Variants in DGUOK observed in about 807,000 individuals in gnomAD.
DGUOK encodes the protein deoxyguanosine kinase, also known as deoxyguanosine kinase, mitochondrial.
A neutral mutation model predicts 36.6 loss-of-function variants in DGUOK; 30 were observed. The ratio of observed to expected loss-of-function variants is 0.82; its 90% CI spans 0.61 to 1.11. The LOEUF (loss-of-function observed/expected upper bound fraction) is 1.11. Among genes scored for constraint, DGUOK ranks in the 50% most tolerant of loss-of-function variants. The pLI, the probability that DGUOK is intolerant of heterozygous loss-of-function variation, is 0.00. For synonymous variants in DGUOK, 145 were observed against 126.3 expected (o/e 1.15, Z -0.99); for missense variants, 361 against 336.4 (o/e 1.07, Z -0.57).
chr2:73,939,107 G>T, intron 2 of DGUOK, 85 bp downstream of exon 2: 2 of 898,364 alleles, frequency 2.2e-6, no homozygotes, highest in Non-Finnish European at 3.7e-6. Context: ...AGTGAGTAAA[G>T]TAGCCCAGTT....
At chr2:73,934,438 A>G (rs1161414357) in intron 1 of DGUOK, among the ~76,000 whole-genome samples, 1 of 152,194 alleles carries the variant, frequency 6.6e-6, no homozygotes, top group Non-Finnish European at 1.5e-5. Context: ...ATACCTTCCA[A>G]AATTCATAAT....
chr2:73,933,199 A>G (rs1296971868), intron 1 of DGUOK, among the ~76,000 whole-genome samples: 1 of 152,178 alleles, frequency 6.6e-6, no homozygotes, highest in Non-Finnish European at 1.5e-5. Flanking sequence ...AGTATAAATG[A>G]TTGGGCAAAG....
rs1370222207 is a variant in DGUOK at position 73,930,941 on chromosome 2, G to A, written c.142+3889G>A. Reference sequence around the variant, plus strand: ...CTCCCAAGTAGCTGGGACTACAGGCGCCCGCCACCATGCCCAGCTAATTTC... The same window carrying A: ...CTCCCAAGTAGCTGGGACTACAGGCACCCGCCACCATGCCCAGCTAATTTC... On this transcript the variant is annotated intron_variant, in intron 1 of 6. Transcript: ENST00000264093. Among the ~76,000 whole-genome samples the A allele has an allele frequency of 3.3e-5, 5 of 149,932 alleles. No homozygotes were observed. In the East Asian group the frequency reaches 8.1e-4, roughly 24 times the overall value.
chr2:73,933,679 C>T (rs983388110), intron 1 of DGUOK, among the ~76,000 whole-genome samples: 18 of 151,610 alleles, frequency 1.2e-4, no homozygotes, highest in Non-Finnish European at 5.9e-5. Context: ...TTTTTTTAAG[C>T]CTGCTGACTG....
rs1683166602 is a variant in DGUOK at position 73,957,141 on chromosome 2, T to C, written c.608T>C (p.Leu203Pro). 7 of 1,613,938 alleles carry C rather than the reference T, an allele frequency of 4.3e-6. No individual in the cohort carries two copies. Among genetic ancestry groups the C allele is most frequent in the Non-Finnish European group, 5.9e-6 (7 of 1,179,880 alleles). ...GTCTTTTAGGTTTGTTTGAAGAGAC[T>C]GTACCAGAGGGCCAGGGAGGAGGAG... is the stretch of plus-strand genomic sequence containing the variant. ...QASPQVCLKR[L>P]YQRAREEEKG... The change falls in exon 5 of 7, where the codon CTG (leucine) becomes CCG (proline). Residue 203 changes from leucine to proline, a missense_variant. By Grantham distance (98) the Leu-to-Pro change is moderately conservative. Coordinates refer to ENST00000264093, the MANE Select transcript of DGUOK (RefSeq NM_080916.3).
chr2:73,947,114 C>G, intron 3 of DGUOK: 2 of 605,188 alleles, frequency 3.3e-6, no homozygotes, highest in Non-Finnish European at 5.9e-6. Flanking sequence ...GGTTTTTCAT[C>G]AACTGAATGC....
At chr2:73,952,073 A>AC (rs1682745233) in intron 4 of DGUOK, among the ~76,000 whole-genome samples, 1 of 152,142 alleles carries the variant, frequency 6.6e-6, no homozygotes, top group South Asian at 2.1e-4. Context: ...GGGAGGTGAG[A>AC]CAGGAGGATC....
chr2:73,953,943 G>A (rs1056756650), intron 4 of DGUOK, among the ~76,000 whole-genome samples: 5 of 151,864 alleles, frequency 3.3e-5, no homozygotes, highest in African/African-American at 1.2e-4. Flanking sequence ...GGATGGTCTC[G>A]ATCTCCTGAC....
rs1573590244 is a variant in DGUOK at position 73,958,888 on chromosome 2, C to G, written c.*152C>G. 4.4e-6 allele frequency: 3 copies of G among 682,350 alleles called. No homozygotes were observed. The East Asian group carries it at 8.0e-5, about 18-fold the overall frequency. 42.3% of individuals were successfully genotyped at this position (682,350 alleles called of 1,614,324 possible). A position where few individuals can be genotyped will look rare whatever the true frequency, so the allele number is the denominator to read the frequency against. ...AGCTGGTTTGTTAATTATTGTTAGA[C>G]TTTGCCATTGTTTTCTTTTGTACCT... is the stretch of plus-strand genomic sequence containing the variant. On this transcript the variant is annotated 3_prime_UTR_variant, in exon 7 of 7. Coordinates refer to ENST00000264093, the MANE Select transcript of DGUOK (RefSeq NM_080916.3).
chr2:73,953,925 G>C (rs1240396066), intron 4 of DGUOK, among the ~76,000 whole-genome samples: 3 of 152,020 alleles, frequency 2.0e-5, no homozygotes, highest in African/African-American at 7.2e-5. Context: ...GTTTCACCAT[G>C]TTAGCCAGGA....
chr2:73,937,424 C>T (rs990943949), intron 1 of DGUOK, among the ~76,000 whole-genome samples: 1 of 152,154 alleles, frequency 6.6e-6, no homozygotes, highest in African/African-American at 2.4e-5. Context: ...TTGAAGAGAG[C>T]AAGGCCAGCA....
rs570941110 is a variant in DGUOK at position 73,927,084 on chromosome 2, G to T, written c.142+32G>T. 8.1e-6 allele frequency: 13 copies of T among 1,603,908 alleles called. No homozygotes were observed. In the South Asian group the frequency reaches 1.4e-4, roughly 18 times the overall value. On this transcript the variant is annotated intron_variant, in intron 1 of 6. Coordinates refer to ENST00000264093, the MANE Select transcript of DGUOK (RefSeq NM_080916.3). ...GCCGGAAAGCGGCTGCCAAGCCTTG[G>T]CCTCCGCCACGCAGGCGACAGAGGC...
chr2:73,947,666 G>A (rs1228810361), intron 3 of DGUOK: 2 of 153,226 alleles, frequency 1.3e-5, no homozygotes, highest in Admixed American at 1.3e-4. Context: ...CAGAGACCAG[G>A]CTGTGACTTG....
chr2:73,927,566 G>T (rs1680698530), intron 1 of DGUOK, among the ~76,000 whole-genome samples: 1 of 152,208 alleles, frequency 6.6e-6, no homozygotes, highest in African/African-American at 2.4e-5. Context: ...AACCCTATTC[G>T]AAGAGAGTTC....
At chr2:73,945,626 G>C (rs764507721) in intron 2 of DGUOK, among the ~76,000 whole-genome samples, 3 of 152,114 alleles carry the variant, frequency 2.0e-5, no homozygotes, top group Non-Finnish European at 4.4e-5. Context: ...TACCCTTACG[G>C]TACCCTGCCC....
At chr2:73,957,481 C>T (rs1467463211) in intron 5 of DGUOK, among the ~76,000 whole-genome samples, 1 of 152,150 alleles carries the variant, frequency 6.6e-6, no homozygotes, top group Non-Finnish European at 1.5e-5. Flanking sequence ...CAAGACCAGC[C>T]TGGCCAACAT....
At chr2:73,927,183 C>G in intron 1 of DGUOK, 131 bp downstream of exon 1, 1 of 1,286,376 alleles carries the variant, frequency 7.8e-7, no homozygotes, top group Admixed American at 2.1e-5. Flanking sequence ...CGAGGAGAGC[C>G]TTTCCCCTCG....
In DGUOK at chr2:73,958,715, C is replaced by A; in HGVS notation, c.813C>A (p.Asn271Lys). The A allele has an allele frequency of 6.2e-7, 1 of 1,611,852 alleles. No homozygotes were observed. The highest frequency in any genetic ancestry group is 8.5e-7 in the Non-Finnish European group (1 of 1,177,904). Residue 271 changes from asparagine (N) to lysine (K), a missense_variant, in exon 7 of 7, where the codon AAC (asparagine) becomes AAA (lysine). Physicochemically the swap from Asn to Lys is moderately conservative, Grantham distance 94. Transcript: ENST00000264093. Reference sequence around the variant, plus strand: ...TGATTTTCTCCTTCCCACAGGTAAACACCTTTGTAAAGAATCTGTAACCAA... The same window carrying A: ...TGATTTTCTCCTTCCCACAGGTAAAAACCTTTGTAAAGAATCTGTAACCAA... ...TKQEDLMREV[N>K]TFVKNL
At chr2:73,932,742 T>G in intron 1 of DGUOK, 2 of 956,844 alleles carry the variant, frequency 2.1e-6, no homozygotes, top group South Asian at 3.3e-5. Context: ...ATTCTGATCC[T>G]GAAGGTGCAG....
Sources: gnomAD v4.1 joint callset for allele counts (sites outside exome capture counted in the v4.1 genomes callset) on GRCh38, gnomAD v4.1.1 for gene constraint, MANE v1.5 for transcripts, NCBI Gene and HGNC (gene_info 2026-07-23, HGNC 2026-07-21) for gene names.